The following TMEM144 variants were observed in gnomAD, a reference collection of about 807,000 sequenced individuals.
TMEM144 encodes the protein transmembrane protein 144.
TMEM144 carries 39 observed loss-of-function variants against 43.6 expected under a neutral mutation model. That is an observed-to-expected ratio of 0.90 (90% CI 0.69 to 1.17). The LOEUF is 1.17. Ranked by LOEUF, TMEM144 falls within the 50% of genes most tolerant of loss-of-function variation. The probability of loss-of-function intolerance (pLI) is 0.00; values close to 1 mark genes in which losing one functional copy is unlikely to be tolerated. For synonymous variants in TMEM144, 154 were observed against 133.6 expected (o/e 1.15, Z -1.06); for missense variants, 417 against 411.9 (o/e 1.01, Z -0.11).
chr4:158,234,118 T>C (rs918834096), intron 7 of TMEM144: 3 of 152,226 alleles, frequency 2.0e-5, no homozygotes, highest in African/African-American at 7.2e-5. Flanking sequence ...CCATGCATCA[T>C]GAGCTCCTTA....
At chr4:158,240,242 T>C (rs936193191) in intron 9 of TMEM144, 57 bp from the exon 10 acceptor site, 58 of 1,546,246 alleles carry the variant, frequency 3.8e-5, no homozygotes, top group Non-Finnish European at 4.6e-5. Context: ...TTCAGAAATC[T>C]AAATATATCT....
In TMEM144 at chr4:158,226,940, C is replaced by G. The variant is rs186786495; in HGVS notation, c.414-5961C>G. ...TAACTATTCTTTCTAAAGCGAACTT[C>G]TTTTATGTCTGTGGGCTAGGCTGTC... On this transcript the variant is annotated intron_variant, in intron 6 of 12. Transcript: ENST00000296529. Among the ~76,000 whole-genome samples, 303 of 151,796 alleles carry G rather than the reference C, an allele frequency of 2.0e-3. 2 individuals are homozygous for G. Among genetic ancestry groups the G allele is most frequent in the African/African-American group, 6.5e-3 (268 of 41,410 alleles).
intron 6 of TMEM144, among the ~76,000 whole-genome samples, chr4:158,222,472 A>C (rs1370295790): frequency 6.6e-6 from 1 of 152,186 alleles, no homozygotes; most frequent in Non-Finnish European, 1.5e-5. Flanking sequence ...ATCATTTAAT[A>C]TCATTTGAGA....
intron 9 of TMEM144, among the ~76,000 whole-genome samples, chr4:158,240,079 G>T (rs1474452109): frequency 6.6e-6 from 1 of 152,002 alleles, no homozygotes; most frequent in Non-Finnish European, 1.5e-5. Context: ...TAAAGGCAGG[G>T]TTTCACTGCA....
chr4:158,218,420 A>G (rs888888091), intron 5 of TMEM144, among the ~76,000 whole-genome samples: 1 of 152,078 alleles, frequency 6.6e-6, no homozygotes, highest in Non-Finnish European at 1.5e-5. Context: ...CATTATAACC[A>G]CCTCAAAACA....
chr4:158,237,078 A>G (rs925536149), intron 8 of TMEM144, among the ~76,000 whole-genome samples: 7 of 152,206 alleles, frequency 4.6e-5, no homozygotes, highest in African/African-American at 1.7e-4. Flanking sequence ...TTTTCAACAA[A>G]AATGCATTTA....
chr4:158,220,573 C>T (rs1256165288), intron 6 of TMEM144, among the ~76,000 whole-genome samples: 1 of 152,224 alleles, frequency 6.6e-6, no homozygotes, highest in East Asian at 1.9e-4. Context: ...CTTCAGTTCT[C>T]CAAGCTTTGG....
At position 158,253,908 on chromosome 4, in the gene TMEM144, C is replaced by G. The variant is rs72975715; in HGVS notation, c.*381C>G. ...ACAGTCCATATTTCTCACCTATTACCCCAGTGAAGTGAGGCAGAAATACCT... is the reference window on the plus strand; with the variant it reads ...ACAGTCCATATTTCTCACCTATTACGCCAGTGAAGTGAGGCAGAAATACCT... On this transcript the variant is annotated 3_prime_UTR_variant, in exon 13 of 13. Transcript: ENST00000296529. 2.7e-3 allele frequency: 419 copies of G among 156,548 alleles called. No individual in the cohort carries two copies. Among genetic ancestry groups the G allele is most frequent in the African/African-American group, 9.5e-3 (394 of 41,628 alleles). 9.7% of individuals were successfully genotyped at this position (156,548 alleles called of 1,614,324 possible). A position where few individuals can be genotyped will look rare whatever the true frequency, so the allele number is the denominator to read the frequency against.
At chr4:158,250,207 TATATATATATA>T (rs1445113866) in intron 12 of TMEM144, among the ~76,000 whole-genome samples, 1 of 35,044 alleles carries the variant, frequency 2.9e-5, no homozygotes, top group African/African-American at 1.4e-4. Flanking sequence ...TATATATATA[TATATATATATA>T]TATATATATA....
chr4:158,213,078 A>G (rs1734041610), intron 3 of TMEM144: 2 of 465,448 alleles, frequency 4.3e-6, no homozygotes, highest in African/African-American at 2.0e-5. Flanking sequence ...TGAAAACATG[A>G]ATCTTCAACA....
chr4:158,229,376 T>G (rs775012557), intron 6 of TMEM144, among the ~76,000 whole-genome samples: 1 of 152,178 alleles, frequency 6.6e-6, no homozygotes, highest in Non-Finnish European at 1.5e-5. Context: ...TTCTTCTTCA[T>G]CTGGGATCTC....
intron 8 of TMEM144, chr4:158,237,256 A>G (rs1408457299): frequency 5.2e-5 from 17 of 326,874 alleles, no homozygotes; most frequent in Non-Finnish European, 1.7e-5. Context: ...CTATGTAATG[A>G]CAACATAATT....
rs566190502 is a variant in TMEM144, at chr4:158,254,975, T to G, written c.*1448T>G. 6.6e-6 allele frequency: 1 copy of G among 152,304 alleles called. No individual in the cohort carries two copies. Among genetic ancestry groups the G allele is most frequent in the South Asian group, 2.1e-4 (1 of 4,826 alleles). The allele number at this position is 152,304 out of a possible 1,614,324, so 9.4% of individuals were successfully genotyped here. ...ATTAGTTCAAATCTGTAAAGTATGT[T>G]GATGAGTATCTGGTACTTGGCAAAC... On this transcript the variant is annotated 3_prime_UTR_variant, in exon 13 of 13. Coordinates refer to ENST00000296529, the MANE Select transcript of TMEM144 (RefSeq NM_018342.5).
chr4:158,217,391 TA>T lies in TMEM144; in HGVS notation c.305del (p.Asn102MetfsTer3). ...TTGGAATCTTAATCTGGGGATCATT[TA>T]ATGCCTTAACTGGCTGGGCAAGCTC... ...GLGILIWGSF[N>X]ALTGWASSRF... On this transcript the variant is annotated frameshift_variant, in exon 5 of 13. Coordinates refer to ENST00000296529, the MANE Select transcript of TMEM144 (RefSeq NM_018342.5). LOFTEE classifies it high-confidence loss of function. 1 of 1,613,230 alleles carries T rather than the reference TA, an allele frequency of 6.2e-7. No homozygotes were observed. Among genetic ancestry groups the T allele is most frequent in the Non-Finnish European group, 8.5e-7 (1 of 1,179,404 alleles).
At chr4:158,229,973 C>G (rs180894586) in intron 6 of TMEM144, among the ~76,000 whole-genome samples, 1 of 152,258 alleles carries the variant, frequency 6.6e-6, no homozygotes, top group Non-Finnish European at 1.5e-5. Context: ...CCAAGGAGCT[C>G]AGATGGCTTA....
chr4:158,217,690 T>G (rs1734296141), intron 5 of TMEM144, among the ~76,000 whole-genome samples: 1 of 152,242 alleles, frequency 6.6e-6, no homozygotes, highest in Non-Finnish European at 1.5e-5. Flanking sequence ...TGTCCCTTTC[T>G]ATTGTGTGAC....
chr4:158,237,020 T>A (rs1175145269), intron 8 of TMEM144, among the ~76,000 whole-genome samples: 1 of 152,214 alleles, frequency 6.6e-6, no homozygotes, highest in Admixed American at 6.5e-5. Context: ...TTCTTGACCA[T>A]GGCATTGTCA....
At position 158,253,511 on chromosome 4, in the gene TMEM144, C is replaced by T. The variant is rs1306420965; in HGVS notation, c.1022C>T (p.Ala341Val). 1 of 1,613,612 alleles carries T rather than the reference C, an allele frequency of 6.2e-7. No individual in the cohort carries two copies. The highest frequency in any genetic ancestry group is 1.3e-5 in the African/African-American group (1 of 75,026). The part of the protein sequence containing the change: ...CIILTGALCT[A>V]FSKI ...ATCTTGACTGGAGCCTTATGCACTG[C>T]TTTTTCTAAAATCTAACAATGACAA... The change falls in exon 13 of 13, where the codon GCT (alanine) becomes GTT (valine). Residue 341 changes from alanine to valine, a missense_variant. By Grantham distance (64) the Ala-to-Val change is moderately conservative (BLOSUM62 0). Coordinates refer to ENST00000296529, the MANE Select transcript of TMEM144 (RefSeq NM_018342.5).
At chr4:158,219,785 A>G (rs1734421563) in intron 6 of TMEM144, among the ~76,000 whole-genome samples, 1 of 152,142 alleles carries the variant, frequency 6.6e-6, no homozygotes, top group Non-Finnish European at 1.5e-5. Context: ...TCTCTCTTCT[A>G]TGTACTACTC....
Sources: allele counts gnomAD v4.1 joint callset (sites outside exome capture counted in the v4.1 genomes callset), GRCh38; gene constraint gnomAD v4.1.1; transcripts MANE v1.5; gene names NCBI Gene and HGNC (gene_info 2026-07-23, HGNC 2026-07-21).